Variants in SYT16 observed in about 807,000 individuals in gnomAD.
SYT16 encodes synaptotagmin-16.
Under a neutral mutation model 61.4 loss-of-function variants are expected in SYT16, and 42 were observed. That is an observed-to-expected ratio of 0.68 (90% CI 0.53 to 0.89). SYT16 has a LOEUF of 0.89. SYT16 is among the 40% of genes least tolerant of loss of function. The probability of loss-of-function intolerance (pLI) is 0.00; values close to 1 mark genes in which losing one functional copy is unlikely to be tolerated. For synonymous variants in SYT16, 314 were observed against 302.3 expected (o/e 1.04, Z -0.40); for missense variants, 804 against 807.3 (o/e 1.00, Z 0.05).
chr14:61,872,671 A>G (rs1002221773), intron 1 of SYT16, among the ~76,000 whole-genome samples: 1 of 152,168 alleles, frequency 6.6e-6, no homozygotes, highest in Non-Finnish European at 1.5e-5. Context: ...ACTGAGTAGA[A>G]AGGTGTTGGG....
intron 1 of SYT16, among the ~76,000 whole-genome samples, chr14:61,941,223 C>T (rs753191811): frequency 3.9e-5 from 6 of 152,124 alleles, no homozygotes; most frequent in African/African-American, 9.7e-5. Context: ...TTGGGTCAGC[C>T]GCTGCCAGGA....
rs1261421134 is a variant in SYT16, at chr14:62,111,383, A to T, written c.*10676A>T. ...GGAATGTGCTTTATATTACTATTCT[A>T]CTCACAGCTGGATGCTGCAGATGTA... On this transcript the variant is annotated 3_prime_UTR_variant, in exon 8 of 8. Transcript: ENST00000683842. 6.6e-6 allele frequency: 1 copy of T among 152,016 alleles called. No individual in the cohort carries two copies. Among genetic ancestry groups the T allele is most frequent in the African/African-American group, 2.4e-5 (1 of 41,414 alleles). 9.4% of individuals were successfully genotyped at this position (152,016 alleles called of 1,614,324 possible).
At chr14:62,093,426 A>C (rs2057162710) in intron 7 of SYT16, among the ~76,000 whole-genome samples, 1 of 152,056 alleles carries the variant, frequency 6.6e-6, no homozygotes, top group Non-Finnish European at 1.5e-5. Flanking sequence ...GCTATGTAAA[A>C]GATAGATATT....
chr14:61,900,691 C>T (rs2048482716), intron 1 of SYT16, among the ~76,000 whole-genome samples: 1 of 152,156 alleles, frequency 6.6e-6, no homozygotes, highest in Admixed American at 6.6e-5. Flanking sequence ...AGGAATTGCT[C>T]AATGGGTCAC....
At chr14:61,886,610 T>A (rs867922879) in intron 1 of SYT16, among the ~76,000 whole-genome samples, 2 of 152,344 alleles carry the variant, frequency 1.3e-5, no homozygotes, top group Middle Eastern at 3.4e-3. Context: ...TTCATTCAGA[T>A]CTTTAGGCTC....
chr14:62,031,784 CG>C (rs768157769), intron 3 of SYT16, among the ~76,000 whole-genome samples: 1 of 151,962 alleles, frequency 6.6e-6, no homozygotes, highest in Non-Finnish European at 1.5e-5. Context: ...TCCTTGACAC[CG>C]GGGAAACAAG....
At chr14:61,861,522 A>T (rs1176845771) in intron 1 of SYT16, among the ~76,000 whole-genome samples, 2 of 152,048 alleles carry the variant, frequency 1.3e-5, no homozygotes, top group African/African-American at 4.8e-5. Context: ...CTCTTGCTTC[A>T]GCCCCCCACG....
intron 1 of SYT16, among the ~76,000 whole-genome samples, chr14:61,951,444 A>C (rs983678424): frequency 6.6e-6 from 1 of 152,202 alleles, no homozygotes; most frequent in African/African-American, 2.4e-5. Context: ...AATTCTGTTA[A>C]AGTTTTAGTC....
chr14:62,019,808 C>T (rs1053196271), intron 3 of SYT16, among the ~76,000 whole-genome samples: 1 of 152,200 alleles, frequency 6.6e-6, no homozygotes, highest in South Asian at 2.1e-4. Flanking sequence ...GGGCACTGAC[C>T]GCTTTTCCTG....
chr14:62,099,233 A>C (rs1250123236), intron 7 of SYT16, among the ~76,000 whole-genome samples: 1 of 152,210 alleles, frequency 6.6e-6, no homozygotes, highest in Non-Finnish European at 1.5e-5. Context: ...CAGTCCCCTG[A>C]CTAGAAGGTC....
chr14:62,103,655 T>C lies in SYT16; in HGVS notation c.*2948T>C, dbSNP rs981964489. 3.3e-5 allele frequency: 5 copies of C among 152,240 alleles called. No individual in the cohort carries two copies. Among genetic ancestry groups the C allele is most frequent in the African/African-American group, 1.2e-4 (5 of 41,462 alleles). The allele number at this position is 152,240 out of a possible 1,614,324, so 9.4% of individuals were successfully genotyped here. A position where few individuals can be genotyped will look rare whatever the true frequency, so the allele number is the denominator to read the frequency against. ...TCTCCGTTCCCTCTCCTTCACTGGCTCCCAGTGTGATGCACAGTTGTTTTG... is the reference window on the plus strand; with the variant it reads ...TCTCCGTTCCCTCTCCTTCACTGGCCCCCAGTGTGATGCACAGTTGTTTTG... On this transcript the variant is annotated 3_prime_UTR_variant, in exon 8 of 8. Coordinates refer to ENST00000683842, the MANE Select transcript of SYT16 (RefSeq NM_001367656.1).
intron 3 of SYT16, among the ~76,000 whole-genome samples, chr14:62,047,960 G>A (rs933042166): frequency 3.9e-5 from 6 of 152,306 alleles, no homozygotes; most frequent in African/African-American, 1.4e-4. Context: ...GTCTCTGCCA[G>A]GCTTTGGTAT....
At chr14:61,979,173 G>T (rs2051947588) in intron 2 of SYT16, among the ~76,000 whole-genome samples, 1 of 152,146 alleles carries the variant, frequency 6.6e-6, no homozygotes, top group Admixed American at 6.5e-5. Context: ...AGATAGTATA[G>T]TAGCCTGATA....
chr14:61,925,224 CT>C (rs2049488908), intron 1 of SYT16, among the ~76,000 whole-genome samples: 1 of 152,122 alleles, frequency 6.6e-6, no homozygotes, highest in Non-Finnish European at 1.5e-5. Flanking sequence ...TTTCAATTCT[CT>C]TCCTTCCCTC....
rs561024136 is a variant in SYT16 at position 62,014,176 on chromosome 14, G to A, written c.523+17634G>A. On this transcript the variant is annotated intron_variant, in intron 3 of 7. Coordinates refer to ENST00000683842, the MANE Select transcript of SYT16 (RefSeq NM_001367656.1). Reference sequence around the variant, plus strand: ...TTCATCTCTAGTCTGGACCTCTTTCGAACCGTGGGTTCACAGATCCAACTG... The same window carrying A: ...TTCATCTCTAGTCTGGACCTCTTTCAAACCGTGGGTTCACAGATCCAACTG... 3.3e-3 allele frequency among the ~76,000 whole-genome samples: 498 copies of A among 151,992 alleles called. 2 individuals carry two copies. Among genetic ancestry groups the A allele is most frequent in the Admixed American group, 6.6e-3 (101 of 15,272 alleles).
At chr14:61,913,853 A>AT (rs1486439883) in intron 1 of SYT16, among the ~76,000 whole-genome samples, 1 of 152,088 alleles carries the variant, frequency 6.6e-6, no homozygotes, top group Non-Finnish European at 1.5e-5. Flanking sequence ...CCAAACTTGG[A>AT]TTTTTCCAAC....
intron 5 of SYT16, among the ~76,000 whole-genome samples, chr14:62,076,370 A>G (rs1595359218): frequency 6.6e-6 from 1 of 152,224 alleles, no homozygotes; most frequent in Middle Eastern, 3.4e-3. Context: ...TTTTATTAGC[A>G]TCCATTTGAG....
chr14:61,911,082 T>G (rs1342819352), intron 1 of SYT16, among the ~76,000 whole-genome samples: 1 of 152,244 alleles, frequency 6.6e-6, no homozygotes, highest in Non-Finnish European at 1.5e-5. Context: ...CAGGTAGCAC[T>G]TTGAATTTAC....
intron 3 of SYT16, among the ~76,000 whole-genome samples, chr14:62,048,329 T>A (rs2055096222): frequency 6.6e-6 from 1 of 152,228 alleles, no homozygotes; most frequent in African/African-American, 2.4e-5. Context: ...GATATCCCCT[T>A]TGTCATTTTT....
Sources: gnomAD v4.1 joint callset for allele counts (sites outside exome capture counted in the v4.1 genomes callset) on GRCh38, gnomAD v4.1.1 for gene constraint, MANE v1.5 for transcripts, NCBI Gene and HGNC (gene_info 2026-07-23, HGNC 2026-07-21) for gene names.